NDRG1: variants seen among roughly 807,000 people sequenced by gnomAD.
NDRG1 encodes protein NDRG1.
A neutral mutation model predicts 56.9 loss-of-function variants in NDRG1; 32 were observed. The observed-to-expected ratio is 0.56, with a 90% CI of 0.42 to 0.76. The LOEUF (loss-of-function observed/expected upper bound fraction) is 0.76, where lower values mean the gene tolerates loss of function less well. Among genes scored for constraint, NDRG1 ranks in the 30% least tolerant of loss-of-function variants. The pLI, the probability that NDRG1 is intolerant of heterozygous loss-of-function variation, is 0.00. For missense variants in NDRG1, 507 were observed against 545.7 expected (o/e 0.93, Z 0.71); for synonymous variants, 211 against 204.1 (o/e 1.03, Z -0.29).
chr8:133,266,845 G>T (rs139128587), intron 3 of NDRG1, among the ~76,000 whole-genome samples: 91 of 152,296 alleles, frequency 6.0e-4, no homozygotes, highest in African/African-American at 2.2e-3. Context: ...CTCTGAGAAA[G>T]GAGAAAGAGG....
intron 14 of NDRG1, among the ~76,000 whole-genome samples, chr8:133,242,503 T>C (rs1855441388): frequency 6.6e-6 from 1 of 152,218 alleles, no homozygotes; most frequent in African/African-American, 2.4e-5. Context: ...CTACCTTAGA[T>C]ACATTTCATA....
chr8:133,242,085 CAAG>C lies in NDRG1; in HGVS notation c.892-14_892-12del. 2 of 1,614,188 alleles carry C rather than the reference CAAG, an allele frequency of 1.2e-6. No homozygotes were observed. The highest frequency in any genetic ancestry group is 1.7e-6 in the Non-Finnish European group (2 of 1,180,038). Reference sequence around the variant, plus strand: ...AGCGAGCTTGGCCGGCTGCGAGAGACAAGGAGAGAAAATGCAGTCAGTTGCTGG... The same window carrying C: ...AGCGAGCTTGGCCGGCTGCGAGAGACGAGAGAAAATGCAGTCAGTTGCTGG... On this transcript the variant is annotated splice_polypyrimidine_tract_variant and intron_variant, in intron 14 of 15. Coordinates refer to ENST00000323851, the MANE Select transcript of NDRG1 (RefSeq NM_006096.4).
chr8:133,292,610 G>C (rs1858491868), intron 1 of NDRG1, among the ~76,000 whole-genome samples: 1 of 152,158 alleles, frequency 6.6e-6, no homozygotes, highest in African/African-American at 2.4e-5. Context: ...AGAGGCCATA[G>C]ACCCACCTCT....
intron 9 of NDRG1, among the ~76,000 whole-genome samples, chr8:133,252,159 G>A (rs182575982): frequency 1.8e-4 from 27 of 152,250 alleles, no homozygotes; most frequent in East Asian, 1.4e-3. Context: ...TGCATGGCGC[G>A]ATCTCGGCTC....
chr8:133,292,461 A>C lies in NDRG1; in HGVS notation c.-19+4673T>G, dbSNP rs373125879. Among the ~76,000 whole-genome samples, 9 of 152,138 alleles carry C rather than the reference A, an allele frequency of 5.9e-5. No homozygotes were observed. The East Asian group carries it at 1.4e-3, about 23-fold the overall frequency. Reference sequence around the variant, plus strand: ...AGGACAGGCTCTCAGGTTTCATGGGAGACATGGACAGGTCCCAGGAAGGAC... The same window carrying C: ...AGGACAGGCTCTCAGGTTTCATGGGCGACATGGACAGGTCCCAGGAAGGAC... On this transcript the variant is annotated intron_variant, in intron 1 of 15. Coordinates refer to ENST00000323851, the MANE Select transcript of NDRG1 (RefSeq NM_006096.4).
chr8:133,241,490 TCA>T, intron 15 of NDRG1: 1 of 178,248 alleles, frequency 5.6e-6, no homozygotes, highest in East Asian at 1.4e-4. Context: ...CCACAGAGCT[TCA>T]CAGTCTTCAA....
intron 14 of NDRG1, 50 bp from the exon 15 acceptor site, chr8:133,242,124 C>G (rs759151736): frequency 1.9e-6 from 3 of 1,599,774 alleles, no homozygotes; most frequent in Non-Finnish European, 2.6e-6. Context: ...GGAGCCAGAT[C>G]ACCCGAGGCC....
intron 14 of NDRG1, among the ~76,000 whole-genome samples, chr8:133,242,653 G>A (rs1215442806): frequency 6.6e-6 from 1 of 152,014 alleles, no homozygotes; most frequent in African/African-American, 2.4e-5. Flanking sequence ...TAGCAGGCTG[G>A]CTGAAAGAAG....
chr8:133,271,014 A>C (rs1857159618), intron 3 of NDRG1, among the ~76,000 whole-genome samples: 2 of 152,164 alleles, frequency 1.3e-5, no homozygotes, highest in East Asian at 3.9e-4. Flanking sequence ...ACCGCTCCAG[A>C]GATGATTAGT....
rs1287183324 is a variant in NDRG1 at position 133,239,052 on chromosome 8, C to T, written c.1011G>A (p.Leu337=). Residue 337 remains leucine, a synonymous_variant, in exon 16 of 16, where the codon CTG becomes CTA. Transcript: ENST00000323851. ...RTASGSSVTS[L]DGTRSRSHTS... is the part of the protein sequence containing the mutation. ...TGTGGGAGCGGCTGCGGGTGCCATC[C>T]AGAGAAGTGACGCTGGAACCAGAGG... 2.5e-6 allele frequency: 4 copies of T among 1,592,538 alleles called. No homozygotes were observed. Among genetic ancestry groups the T allele is most frequent in the Non-Finnish European group, 2.6e-6 (3 of 1,171,018 alleles).
At chr8:133,261,437 G>A (rs1427014915) in intron 5 of NDRG1, among the ~76,000 whole-genome samples, 4 of 152,322 alleles carry the variant, frequency 2.6e-5, no homozygotes, top group African/African-American at 7.2e-5. Context: ...GGCCTCAGCT[G>A]TGCAACCTTC....
Position 133,238,414 on chromosome 8 carries a change from A to C in NDRG1, c.*464T>G. The C allele has an allele frequency of 4.0e-6, 1 of 248,104 alleles. No homozygotes were observed. Among genetic ancestry groups the C allele is most frequent in the Non-Finnish European group, 7.8e-6 (1 of 127,612 alleles). 15.4% of individuals were successfully genotyped at this position (248,104 alleles called of 1,614,324 possible). A position where few individuals can be genotyped will look rare whatever the true frequency, so the allele number is the denominator to read the frequency against. Reference sequence around the variant, plus strand: ...GCATGTCACTATTACCCCCCTCCCCAAATGAGAAAAGGATTTTGTTTCCGG... The same window carrying C: ...GCATGTCACTATTACCCCCCTCCCCCAATGAGAAAAGGATTTTGTTTCCGG... On this transcript the variant is annotated 3_prime_UTR_variant, in exon 16 of 16. Coordinates refer to ENST00000323851, the MANE Select transcript of NDRG1 (RefSeq NM_006096.4).
chr8:133,256,982 C>G (rs576133350), intron 7 of NDRG1, 119 bp from the exon 8 acceptor site: 2 of 926,182 alleles, frequency 2.2e-6, no homozygotes, highest in East Asian at 5.2e-5. Flanking sequence ...GGCAGCAGAG[C>G]AGGCTGCTGC....
intron 1 of NDRG1, among the ~76,000 whole-genome samples, chr8:133,292,316 T>C (rs1187339219): frequency 2.6e-5 from 4 of 152,198 alleles, no homozygotes; most frequent in Non-Finnish European, 5.9e-5. Flanking sequence ...TTCCCCAGAA[T>C]GGTCTTGCAG....
At position 133,257,045 on chromosome 8, in the gene NDRG1, T is replaced by C. The variant is rs1364973839; in HGVS notation, c.451-182A>G. Among the ~76,000 whole-genome samples the C allele has an allele frequency of 2.0e-5, 3 of 152,116 alleles. No individual in the cohort carries two copies. In the East Asian group the frequency reaches 5.8e-4, roughly 29 times the overall value. On this transcript the variant is annotated intron_variant, in intron 7 of 15. Transcript: ENST00000323851. The stretch of plus-strand genomic sequence containing the variant: ...AGGTTCCAGCACAGCAGACACGGTA[T>C]CGGGTCCTAGAGAGAGTGGGAAGGA...
chr8:133,257,183 C>T (rs1194532344), intron 7 of NDRG1, among the ~76,000 whole-genome samples: 2 of 152,188 alleles, frequency 1.3e-5, no homozygotes, highest in East Asian at 1.9e-4. Context: ...GGGTGTAACA[C>T]ACCATCGACC....
At chr8:133,286,367 G>A (rs542852197) in intron 1 of NDRG1, among the ~76,000 whole-genome samples, 1 of 152,320 alleles carries the variant, frequency 6.6e-6, no homozygotes, top group East Asian at 1.9e-4. Context: ...TTGGCTTCCA[G>A]AAACCGTGAT....
At chr8:133,266,579 C>T (rs185671003) in intron 3 of NDRG1, among the ~76,000 whole-genome samples, 1 of 152,296 alleles carries the variant, frequency 6.6e-6, no homozygotes, top group Admixed American at 6.5e-5. Context: ...GTAGGCTGCT[C>T]CATCTGTGAG....
At chr8:133,262,211 A>G in intron 4 of NDRG1, 44 bp from the exon 5 acceptor site, 1 of 1,612,916 alleles carries the variant, frequency 6.2e-7, no homozygotes, top group African/African-American at 1.3e-5. Context: ...AAGTAAGATG[A>G]GAAAAAAATT....
Sources: gnomAD v4.1 joint callset for allele counts (sites outside exome capture counted in the v4.1 genomes callset) on GRCh38, gnomAD v4.1.1 for gene constraint, MANE v1.5 for transcripts, NCBI Gene and HGNC (gene_info 2026-07-23, HGNC 2026-07-21) for gene names.